The following DAG1 variants were observed in gnomAD, a reference collection of about 807,000 sequenced individuals.
The protein encoded by DAG1 is dystroglycan 1 (dystrophin-associated glycoprotein 1).
Under a neutral mutation model 46.1 loss-of-function variants are expected in DAG1, and 8 were observed. The observed-to-expected ratio is 0.17, with a 90% confidence interval of 0.10 to 0.31. DAG1 has a LOEUF of 0.31. Among genes scored for constraint, DAG1 ranks in the 10% least tolerant of loss-of-function variants. The pLI is 1.00. For synonymous variants in DAG1, 495 were observed against 481.8 expected, an observed-to-expected ratio of 1.03 and a Z score of -0.36; for missense variants, 1,003 against 1,189.9, an observed-to-expected ratio of 0.84 and a Z score of 2.31.
At chr3:49,472,286 C>T (rs1216931071) in intron 1 of DAG1, among the ~76,000 whole-genome samples, 1 of 152,016 alleles carries the variant, frequency 6.6e-6, no homozygotes, top group Non-Finnish European at 1.5e-5. Flanking sequence ...AAAGGTAGTA[C>T]AGAGGGGATG....
At chr3:49,522,782 G>A (rs1295646597) in intron 2 of DAG1, among the ~76,000 whole-genome samples, 3 of 152,164 alleles carry the variant, frequency 2.0e-5, no homozygotes, top group Admixed American at 1.3e-4. Flanking sequence ...AAGGGTTGCC[G>A]AAACCAGAAA....
intron 1 of DAG1, among the ~76,000 whole-genome samples, chr3:49,478,209 G>A (rs981676813): frequency 8.0e-5 from 12 of 150,484 alleles, no homozygotes; most frequent in African/African-American, 2.9e-4. Flanking sequence ...GGGAGGCAGA[G>A]GTTGCAGTGA....
upstream of DAG1, chr3:49,470,006 TGG>T (rs1359770650): frequency 6.6e-6 from 1 of 151,414 alleles, no homozygotes; most frequent in Non-Finnish European, 1.5e-5. Context: ...TCCCTGGCCG[TGG>T]GGGCGAGGCT....
chr3:49,533,401 T>A lies in DAG1; in HGVS notation c.*202T>A, dbSNP rs748903235. ...GCAGCTGGAGAGACTTTGGGGACTT[T>A]TTTATTTTTATTTTTTGCCTAACAG... On this transcript the variant is annotated 3_prime_UTR_variant, in exon 3 of 3. Transcript: ENST00000308775. 5.1e-6 allele frequency: 4 copies of A among 782,292 alleles called. No individual in the cohort carries two copies. Among genetic ancestry groups the A allele is most frequent in the Non-Finnish European group, 8.7e-6 (4 of 459,330 alleles). 48.5% of individuals were successfully genotyped at this position (782,292 alleles called of 1,614,324 possible).
In DAG1 at chr3:49,478,632, C is replaced by A. The variant is rs185645117; in HGVS notation, c.-117+8199C>A. 1.2e-3 allele frequency among the ~76,000 whole-genome samples: 185 copies of A among 149,050 alleles called. 1 individual carries two copies. The highest frequency in any genetic ancestry group is 4.5e-3 in the African/African-American group (180 of 40,444). Reference sequence around the variant, plus strand: ...AGCTTAAGCGATTCATCTGCCTGAGCCTCACAAACTGCTGGATTACAGATG... The same window carrying A: ...AGCTTAAGCGATTCATCTGCCTGAGACTCACAAACTGCTGGATTACAGATG... On this transcript the variant is annotated intron_variant, in intron 1 of 2. Coordinates refer to ENST00000308775, the MANE Select transcript of DAG1 (RefSeq NM_004393.6).
At chr3:49,478,240 C>T (rs1473377495) in intron 1 of DAG1, among the ~76,000 whole-genome samples, 8 of 144,086 alleles carry the variant, frequency 5.6e-5, no homozygotes, top group Admixed American at 2.2e-4. Context: ...TGCTGTTGCA[C>T]TCCATCCTGG....
intron 2 of DAG1, among the ~76,000 whole-genome samples, chr3:49,511,622 T>A (rs2050763448): frequency 6.6e-6 from 1 of 152,208 alleles, no homozygotes; most frequent in Non-Finnish European, 1.5e-5. Flanking sequence ...CAAGTGATCC[T>A]CCCACCTCAG....
intron 1 of DAG1, among the ~76,000 whole-genome samples, chr3:49,490,367 T>G (rs1027586689): frequency 4.0e-5 from 6 of 148,672 alleles, no homozygotes; most frequent in African/African-American, 1.2e-4. Context: ...AAAAAAAAGT[T>G]TTTTTTTTTT....
In DAG1 at chr3:49,502,734, G is replaced by A. The variant is rs968376963; in HGVS notation, c.-116-7685G>A. ...GCTCACTACAAGCTCCGCCTCCCGG[G>A]TTCACGCCATTCTCCTGCCTCAGCC... On this transcript the variant is annotated intron_variant, in intron 1 of 2. Coordinates refer to ENST00000308775, the MANE Select transcript of DAG1 (RefSeq NM_004393.6). 2.3e-4 allele frequency among the ~76,000 whole-genome samples: 35 copies of A among 150,928 alleles called. No homozygotes were observed. The Middle Eastern group carries it at 0.01, about 44-fold the overall frequency.
chr3:49,506,779 C>T (rs1394560957), intron 1 of DAG1, among the ~76,000 whole-genome samples: 3 of 151,602 alleles, frequency 2.0e-5, no homozygotes, highest in African/African-American at 4.8e-5. Flanking sequence ...GTTGTAATAT[C>T]TTGGTTTGAT....
intron 1 of DAG1, among the ~76,000 whole-genome samples, chr3:49,482,463 G>GAGAT (rs1449517380): frequency 6.6e-6 from 1 of 152,204 alleles, no homozygotes; most frequent in Non-Finnish European, 1.5e-5. Flanking sequence ...GTTCAATTCT[G>GAGAT]AGATAGGAGA....
chr3:49,513,001 CAT>C (rs1209057337), intron 2 of DAG1, among the ~76,000 whole-genome samples: 3 of 152,134 alleles, frequency 2.0e-5, no homozygotes, highest in African/African-American at 7.2e-5. Context: ...CAGACTTCTA[CAT>C]ACATTTAGTG....
intron 1 of DAG1, among the ~76,000 whole-genome samples, chr3:49,480,345 G>A (rs901457616): frequency 4.9e-5 from 7 of 142,438 alleles, no homozygotes; most frequent in Non-Finnish European, 9.1e-5. Flanking sequence ...GCGCGATCTC[G>A]GCTCACTGCA....
At chr3:49,487,488 C>T (rs984937527) in intron 1 of DAG1, 1 of 152,076 alleles carries the variant, frequency 6.6e-6, no homozygotes, top group Non-Finnish European at 1.5e-5. Flanking sequence ...GACTTGAGAA[C>T]CAAAGTTACT....
intron 1 of DAG1, among the ~76,000 whole-genome samples, chr3:49,497,301 A>C (rs1017321244): frequency 2.0e-5 from 3 of 152,010 alleles, no homozygotes; most frequent in African/African-American, 7.2e-5. Context: ...GCTGGACGTC[A>C]TAGTGGGCAC....
chr3:49,532,068 G>T lies in DAG1; in HGVS notation c.1557G>T (p.Pro519=), dbSNP rs201897321. The part of the protein sequence containing the change: ...WVGTYFEVKI[P]SDTFYDHEDT... The stretch of plus-strand genomic sequence containing the variant: ...GCACCTACTTTGAGGTGAAGATCCC[G>T]TCAGACACTTTCTATGACCATGAGG... The change falls in exon 3 of 3, where the codon CCG becomes CCT. Residue 519 remains proline (P), a synonymous_variant. Coordinates refer to ENST00000308775, the MANE Select transcript of DAG1 (RefSeq NM_004393.6). This position sits in a 1 kb window ranked among gnomAD's most constrained non-coding sequence, Gnocchi z 5.4. 3 of 1,614,204 alleles carry T rather than the reference G, an allele frequency of 1.9e-6. No individual in the cohort carries two copies. Among genetic ancestry groups the T allele is most frequent in the Middle Eastern group, 1.6e-4 (1 of 6,062 alleles).
chr3:49,479,004 G>A (rs1267415539), intron 1 of DAG1, among the ~76,000 whole-genome samples: 2 of 151,688 alleles, frequency 1.3e-5, no homozygotes, highest in Non-Finnish European at 1.5e-5. Context: ...CAGTAGAGAC[G>A]AGGTTTTACT....
chr3:49,515,941 G>A (rs924576205), intron 2 of DAG1, among the ~76,000 whole-genome samples: 2 of 151,930 alleles, frequency 1.3e-5, no homozygotes, highest in African/African-American at 4.8e-5. Context: ...ACCAAGAATC[G>A]AACCCCATAT....
rs143179037 is a variant in DAG1, at chr3:49,534,183, C to A, written c.*984C>A. On this transcript the variant is annotated 3_prime_UTR_variant, in exon 3 of 3. Transcript: ENST00000308775. Reference sequence around the variant, plus strand: ...TATTTTGTTTTACCCTTTTTCTGTGCATTGTTTTTTTTTTTCCTCCTAAAA... The same window carrying A: ...TATTTTGTTTTACCCTTTTTCTGTGAATTGTTTTTTTTTTTCCTCCTAAAA... 1 of 152,442 alleles carries A rather than the reference C, an allele frequency of 6.6e-6. No individual in the cohort carries two copies. The allele number at this position is 152,442 out of a possible 1,614,324, so 9.4% of individuals were successfully genotyped here. A position where few individuals can be genotyped will look rare whatever the true frequency, so the allele number is the denominator to read the frequency against.
Sources: gnomAD v4.1 joint callset for allele counts (sites outside exome capture counted in the v4.1 genomes callset) on GRCh38, gnomAD v4.1.1 for gene constraint, Gnocchi (gnomAD v3.1) non-coding constraint, MANE v1.5 for transcripts, NCBI Gene and HGNC (gene_info 2026-07-23, HGNC 2026-07-21) for gene names.